Variants in NIPSNAP1 observed in about 807,000 individuals in gnomAD.
NIPSNAP1 encodes the protein nipsnap homolog 1, also known as protein NipSnap homolog 1.
A neutral mutation model predicts 49.2 loss-of-function variants in NIPSNAP1; 25 were observed. The observed-to-expected ratio is 0.51, with a 90% CI of 0.37 to 0.71. NIPSNAP1 has a LOEUF of 0.71. Among genes scored for constraint, NIPSNAP1 ranks in the 30% least tolerant of loss-of-function variants. NIPSNAP1 has a pLI of 0.00. For synonymous variants in NIPSNAP1, 143 were observed against 140.7 expected (o/e 1.02, Z -0.12); for missense variants, 294 against 361.0 (o/e 0.81, Z 1.50).
In NIPSNAP1 at chr22:29,580,966, T is replaced by C; in HGVS notation, c.98+19A>G. The C allele has an allele frequency of 1.3e-6, 2 of 1,525,274 alleles. No homozygotes were observed. The highest frequency in any genetic ancestry group is 1.8e-6 in the Non-Finnish European group (2 of 1,141,892). 94.5% of individuals were successfully genotyped at this position (1,525,274 alleles called of 1,614,324 possible). Reference sequence around the variant, plus strand: ...ACCCCACCCCGCGCGCGTCTATCCCTGCCTGGCCGGGCTCTCACCGCGCCG... The same window carrying C: ...ACCCCACCCCGCGCGCGTCTATCCCCGCCTGGCCGGGCTCTCACCGCGCCG... On this transcript the variant is annotated intron_variant, in intron 1 of 9. Coordinates refer to ENST00000216121, the MANE Select transcript of NIPSNAP1 (RefSeq NM_003634.4).
chr22:29,561,038 C>A, intron 7 of NIPSNAP1, 133 bp downstream of exon 7: 1 of 990,152 alleles, frequency 1.0e-6, no homozygotes, highest in Non-Finnish European at 1.6e-6. Flanking sequence ...ATCCTTCTCC[C>A]AGATCCATGA....
At chr22:29,580,498 C>T (rs1435655978) in intron 1 of NIPSNAP1, among the ~76,000 whole-genome samples, 1 of 152,178 alleles carries the variant, frequency 6.6e-6, no homozygotes, top group Non-Finnish European at 1.5e-5. Context: ...AACTCCCATT[C>T]CCTCTCAGGT....
chr22:29,570,058 G>T, intron 3 of NIPSNAP1, 104 bp downstream of exon 3: 1 of 898,570 alleles, frequency 1.1e-6, no homozygotes, highest in Non-Finnish European at 1.9e-6. Flanking sequence ...TACATCTCCT[G>T]GATTTCTACA....
intron 4 of NIPSNAP1, among the ~76,000 whole-genome samples, chr22:29,564,937 A>G (rs1033789344): frequency 1.3e-5 from 2 of 151,820 alleles, no homozygotes; most frequent in Admixed American, 6.6e-5. Flanking sequence ...TGTAATCCCA[A>G]CACTCTGGGA....
Position 29,561,638 on chromosome 22 carries a change from C to G in NIPSNAP1, c.447G>C (p.Leu149=). The G allele has an allele frequency of 5.0e-6, 8 of 1,614,060 alleles. No homozygotes were observed. The highest frequency in any genetic ancestry group is 6.8e-6 in the Non-Finnish European group (8 of 1,180,026). Residue 149 remains leucine, a synonymous_variant, in exon 6 of 10, where the codon CTG becomes CTC. Transcript: ENST00000216121. ...MNKLKNNKEY[L]EFRRERSQML... ...TCTGGCTCCGCTCCCTTCGGAACTC[C>G]AGGTACTCCTGTGGGCATGGTGGTA...
chr22:29,565,830 A>G (rs530345959), intron 4 of NIPSNAP1, among the ~76,000 whole-genome samples: 3 of 152,250 alleles, frequency 2.0e-5, no homozygotes, highest in Non-Finnish European at 2.9e-5. Flanking sequence ...AAAATAAAAC[A>G]TAAATAATAT....
intron 1 of NIPSNAP1, among the ~76,000 whole-genome samples, chr22:29,574,114 TA>T (rs1207051330): frequency 6.7e-6 from 1 of 149,338 alleles, no homozygotes; most frequent in Non-Finnish European, 1.5e-5. Flanking sequence ...TACAAAATAT[TA>T]GCCAGGAGTG....
rs1445556577 is a variant in NIPSNAP1 at position 29,570,083 on chromosome 22, G to A, written c.272+79C>T. The A allele has an allele frequency of 5.3e-5, 58 of 1,096,200 alleles. 4 individuals are homozygous for A. The highest frequency in any genetic ancestry group is 8.2e-5 in the Non-Finnish European group (58 of 707,014). The allele number at this position is 1,096,200 out of a possible 1,614,324, so 67.9% of individuals were successfully genotyped here. On this transcript the variant is annotated intron_variant, in intron 3 of 9. Coordinates refer to ENST00000216121, the MANE Select transcript of NIPSNAP1 (RefSeq NM_003634.4). ...GGATTTCTACAGAAAAGAACAGGGT[G>A]GAGGATGTTCCGCAAATTTGCTGAA...
rs202154680 is a variant in NIPSNAP1 at position 29,561,128 on chromosome 22, A to C, written c.611+43T>G. The stretch of plus-strand genomic sequence containing the variant: ...AGGGGCCTTGGTGGGGCAGGTGAGC[A>C]GGGTACGCCTCCCCCAACCCCAGTC... On this transcript the variant is annotated intron_variant, in intron 7 of 9. Coordinates refer to ENST00000216121, the MANE Select transcript of NIPSNAP1 (RefSeq NM_003634.4). 2.2e-4 allele frequency: 353 copies of C among 1,581,792 alleles called. 2 individuals carry two copies. In the African/African-American group the frequency reaches 4.3e-3, roughly 19 times the overall value.
At chr22:29,570,998 C>T (rs1214249273) in intron 1 of NIPSNAP1, among the ~76,000 whole-genome samples, 2 of 152,122 alleles carry the variant, frequency 1.3e-5, no homozygotes, top group Non-Finnish European at 2.9e-5. Flanking sequence ...TCCCTGAACA[C>T]ACCAGGATCT....
Position 29,570,471 on chromosome 22 carries a change from G to A in NIPSNAP1, c.160C>T (p.Pro54Ser). Residue 54 changes from proline to serine, a missense_variant, in exon 2 of 10, where the codon CCC becomes TCC. Physicochemically the swap from Pro to Ser is moderately conservative, Grantham distance 74 (BLOSUM62 -1). Transcript: ENST00000216121. ...FRSLFVHKVD[P>S]RKDAHSTLLS... The stretch of plus-strand genomic sequence containing the variant: ...AGGGTGGAGTGGGCATCCTTCCGGG[G>A]ATCCACTTTGTGAACAAAGAGGGAG... 4 of 1,614,188 alleles carry A rather than the reference G, an allele frequency of 2.5e-6. No individual in the cohort carries two copies. The highest frequency in any genetic ancestry group is 3.4e-6 in the Non-Finnish European group (4 of 1,180,016).
chr22:29,564,498 C>T (rs1437925224), intron 4 of NIPSNAP1: 1 of 443,130 alleles, frequency 2.3e-6, no homozygotes, highest in Non-Finnish European at 4.6e-6. Context: ...ACTGCAACAT[C>T]CACCTCCTGG....
At chr22:29,575,529 T>G (rs1392278067) in intron 1 of NIPSNAP1, among the ~76,000 whole-genome samples, 1 of 152,122 alleles carries the variant, frequency 6.6e-6, no homozygotes, top group African/African-American at 2.4e-5. Context: ...TGTCACTTTC[T>G]CAGTGAAATT....
chr22:29,564,370 A>G (rs1346120069), intron 4 of NIPSNAP1: 1 of 471,014 alleles, frequency 2.1e-6, no homozygotes, highest in Non-Finnish European at 4.4e-6. Flanking sequence ...ACCAGGAATG[A>G]CCTGTGGAAA....
chr22:29,560,240 CCTTTTTTTTTTTT>C (rs2064325411), intron 8 of NIPSNAP1, among the ~76,000 whole-genome samples: 1 of 108,170 alleles, frequency 9.2e-6, no homozygotes, highest in Non-Finnish European at 1.9e-5. Flanking sequence ...TCTCTCCCTG[CCTTTTTTTTTTTT>C]CTTCTTTTTT....
chr22:29,581,061 T>A lies in NIPSNAP1; in HGVS notation c.22A>T (p.Ile8Phe). The A allele has an allele frequency of 1.3e-6, 2 of 1,541,456 alleles. No homozygotes were observed. The highest frequency in any genetic ancestry group is 2.7e-5 in the African/African-American group (2 of 72,862). ...AGCAGCCGCCGCGCCGTCACAGAGA[T>A]GCTGCACAGCCGCGGAGCCATGTTG... MAPRLCS[I>F]SVTARRLLGG... is the part of the protein sequence containing the mutation. The change falls in exon 1 of 10, where the codon ATC becomes TTC. Residue 8 changes from isoleucine to phenylalanine, a missense_variant. Around this residue, in one of 4 missense-constraint regions of NIPSNAP1, gnomAD observed 88 missense variants for 76.1 expected, o/e 1.16. Coordinates refer to ENST00000216121, the MANE Select transcript of NIPSNAP1 (RefSeq NM_003634.4).
At position 29,561,655 on chromosome 22, in the gene NIPSNAP1, ATGG is replaced by A; in HGVS notation, c.439-12_439-10del. 1 of 1,614,052 alleles carries A rather than the reference ATGG, an allele frequency of 6.2e-7. No homozygotes were observed. ...CGGAACTCCAGGTACTCCTGTGGGC[ATGG>A]TGGTAAAGGCATGGCTACCAGGAAG... On this transcript the variant is annotated splice_polypyrimidine_tract_variant and intron_variant, in intron 5 of 9. Coordinates refer to ENST00000216121, the MANE Select transcript of NIPSNAP1 (RefSeq NM_003634.4).
In NIPSNAP1 at chr22:29,565,302, A is replaced by G. The variant is rs1207955929; in HGVS notation, c.368-3440T>C. Among the ~76,000 whole-genome samples the G allele has an allele frequency of 4.6e-5, 7 of 152,268 alleles. No individual in the cohort carries two copies. In the East Asian group the frequency reaches 9.6e-4, roughly 21 times the overall value. ...CGAGGCAGGTGGATCAACTGTGGTC[A>G]GGAGTTCGAGACCAGCCTGGCCAAG... On this transcript the variant is annotated intron_variant, in intron 4 of 9. Transcript: ENST00000216121.
At chr22:29,561,045 A>C in intron 7 of NIPSNAP1, 126 bp downstream of exon 7, 1 of 1,014,052 alleles carries the variant, frequency 9.9e-7, no homozygotes, top group Non-Finnish European at 1.5e-6. Flanking sequence ...TCCCAGATCC[A>C]TGAGGGGCAG....
Sources: gnomAD v4.1 joint callset for allele counts (sites outside exome capture counted in the v4.1 genomes callset) on GRCh38, gnomAD v4.1.1 for gene constraint, gnomAD v4.1.1 regional missense constraint, MANE v1.5 for transcripts, NCBI Gene and HGNC (gene_info 2026-07-23, HGNC 2026-07-21) for gene names.